The following MGAM variants were observed in gnomAD, a reference collection of about 807,000 sequenced individuals.
MGAM encodes the protein maltase-glucoamylase, also known as alpha-1,4-glucosidase.
In MGAM, 253 loss-of-function variants were observed where a neutral mutation model predicts 358.8. The observed-to-expected ratio is 0.71, with a 90% CI of 0.64 to 0.78. The LOEUF (loss-of-function observed/expected upper bound fraction) is 0.78, where lower values mean the gene tolerates loss of function less well. Among genes scored for constraint, MGAM ranks in the 30% least tolerant of loss-of-function variants. The pLI, the probability that MGAM is intolerant of heterozygous loss-of-function variation, is 0.00. For missense variants in MGAM, 3,080 were observed against 3,432.6 expected (o/e 0.90, Z 2.57); for synonymous variants, 1,105 against 1,227.1 (o/e 0.90, Z 2.08).
rs1268445591 is a variant in MGAM, at chr7:142,019,154, G to A, written c.328-45G>A. 8 of 1,596,988 alleles carry A rather than the reference G, an allele frequency of 5.0e-6. No individual in the cohort carries two copies. The East Asian group carries it at 1.3e-4, about 27-fold the overall frequency. On this transcript the variant is annotated intron_variant, in intron 3 of 70. Coordinates refer to ENST00000475668, the MANE Select transcript of MGAM (RefSeq NM_001365693.1). ...TGTTTCGTGCTTTATAAATGATCAT[G>A]TTCTACAACTAAATGGAGCTTCTTT...
intron 2 of MGAM, among the ~76,000 whole-genome samples, chr7:142,006,299 C>G (rs782107905): frequency 2.0e-5 from 3 of 152,046 alleles, no homozygotes; most frequent in Non-Finnish European, 2.9e-5. Context: ...CATCAAAACT[C>G]TTGCAAAATT....
At position 142,052,976 on chromosome 7, in the gene MGAM, C is replaced by A. The variant is rs1811160088; in HGVS notation, c.3151C>A (p.Gln1051Lys). 1 of 1,613,628 alleles carries A rather than the reference C, an allele frequency of 6.2e-7. No individual in the cohort carries two copies. Residue 1051 changes from glutamine (Q) to lysine (K), a missense_variant, in exon 26 of 71, where the codon CAG becomes AAG. Gln to Lys is a moderately conservative substitution (Grantham distance 53). Coordinates refer to ENST00000475668, the MANE Select transcript of MGAM (RefSeq NM_001365693.1). ...DVTYHKNEMLQFKIYDPNKNR... is the reference protein window; with the variant it reads ...DVTYHKNEMLKFKIYDPNKNR... The stretch of plus-strand genomic sequence containing the variant: ...CACTTACCATAAGAATGAAATGCTG[C>A]AGTTCAAGGTAAACACAGTACATGT...
In MGAM at chr7:142,092,098, T is replaced by A. The variant is rs530786208; in HGVS notation, c.6945+51T>A. The A allele has an allele frequency of 1.3e-5, 20 of 1,533,974 alleles. No individual in the cohort carries two copies. In the African/African-American group the frequency reaches 2.7e-4, roughly 21 times the overall value. ...CCAGTGACACTTGTCTATCTTTGTG[T>A]GCCTACGTGTATGTACCACTGACCT... On this transcript the variant is annotated intron_variant, in intron 58 of 70. Coordinates refer to ENST00000475668, the MANE Select transcript of MGAM (RefSeq NM_001365693.1).
At chr7:142,055,474 G>A in intron 27 of MGAM, 84 bp from the exon 28 acceptor site, 3 of 1,526,242 alleles carry the variant, frequency 2.0e-6, no homozygotes, top group Non-Finnish European at 2.7e-6. Flanking sequence ...GGAATCAAGT[G>A]TTCTGTTGTC....
At chr7:142,066,336 A>C (rs1319061251) in intron 40 of MGAM, among the ~76,000 whole-genome samples, 1 of 145,890 alleles carries the variant, frequency 6.9e-6, no homozygotes, top group Non-Finnish European at 1.6e-5. Context: ...CCTGTATTTC[A>C]GGCAGAATTT....
intron 18 of MGAM, among the ~76,000 whole-genome samples, 152 bp from the exon 19 acceptor site, chr7:142,038,379 C>T (rs1389150287): frequency 6.6e-6 from 1 of 152,102 alleles, no homozygotes; most frequent in African/African-American, 2.4e-5. Context: ...TCTAGGGGTG[C>T]AGAGGGGCTT....
rs368003640 is a variant in MGAM, at chr7:142,040,301, A to G, written c.2373+130A>G. On this transcript the variant is annotated intron_variant, in intron 20 of 70. Coordinates refer to ENST00000475668, the MANE Select transcript of MGAM (RefSeq NM_001365693.1). ...AGTTTTTAGTGTTTTCTGTAATTTC[A>G]TAGCAGAACCTGGGTAAAGTTAACC... 139 of 744,480 alleles carry G rather than the reference A, an allele frequency of 1.9e-4. No homozygotes were observed. The East Asian group carries it at 2.7e-3, about 14-fold the overall frequency. The allele number at this position is 744,480 out of a possible 1,614,324, so 46.1% of individuals were successfully genotyped here.
rs1417451026 is a variant in MGAM, at chr7:142,038,633, G to C, written c.2316+18G>C. 1.3e-6 allele frequency: 2 copies of C among 1,576,438 alleles called. No individual in the cohort carries two copies. The highest frequency in any genetic ancestry group is 1.8e-5 in the Admixed American group (1 of 56,734). ...TGGATGAAGTAAGTGTTCCCACAGA[G>C]ATACACTAGAGATCTCTGCATCTGT... On this transcript the variant is annotated intron_variant, in intron 19 of 70. Coordinates refer to ENST00000475668, the MANE Select transcript of MGAM (RefSeq NM_001365693.1).
At chr7:142,042,025 ATTATAT>A (rs1458836557) in intron 21 of MGAM, among the ~76,000 whole-genome samples, 2 of 22,482 alleles carry the variant, frequency 8.9e-5, no homozygotes, top group African/African-American at 3.3e-4. Context: ...ATATATATAT[ATTATAT>A]TATATACATA....
upstream of MGAM, among the ~76,000 whole-genome samples, chr7:141,994,347 C>G (rs1459988964): frequency 6.6e-6 from 1 of 152,150 alleles, no homozygotes; most frequent in Non-Finnish European, 1.5e-5. Context: ...AATCCCCTCT[C>G]CCTCAGGATT....
At chr7:142,078,637 T>C (rs1813954850) in intron 48 of MGAM, among the ~76,000 whole-genome samples, 167 bp downstream of exon 48, 1 of 146,488 alleles carries the variant, frequency 6.8e-6, no homozygotes, top group Non-Finnish European at 1.5e-5. Context: ...GAAAACTTTT[T>C]AAAATAAATA....
At chr7:142,076,132 A>G in intron 45 of MGAM, 71 bp from the exon 46 acceptor site, 1 of 1,167,476 alleles carries the variant, frequency 8.6e-7, no homozygotes, top group Non-Finnish European at 1.3e-6. Context: ...AACTGAAAAG[A>G]GTGGGAGTGT....
At chr7:142,090,716 A>C (rs1209410127) in intron 57 of MGAM, among the ~76,000 whole-genome samples, 4 of 145,968 alleles carry the variant, frequency 2.7e-5, no homozygotes, top group Admixed American at 6.9e-5. Flanking sequence ...TTAGCTCTTT[A>C]ACTCTTACAA....
chr7:142,102,994 C>T (rs1056830685), intron 69 of MGAM, among the ~76,000 whole-genome samples: 1 of 152,200 alleles, frequency 6.6e-6, no homozygotes, highest in Non-Finnish European at 1.5e-5. Context: ...GATTCCTCCA[C>T]CTGTAGAATA....
intron 1 of MGAM, among the ~76,000 whole-genome samples, chr7:141,999,424 G>A (rs1306564528): frequency 6.6e-6 from 1 of 152,194 alleles, no homozygotes; most frequent in African/African-American, 2.4e-5. Context: ...TAAAAGCCAT[G>A]GCTGTGGAGT....
intron 10 of MGAM, 64 bp downstream of exon 10, chr7:142,027,799 G>T: frequency 7.1e-7 from 1 of 1,412,984 alleles, no homozygotes; most frequent in South Asian, 1.6e-5. Context: ...AAGAAAAACT[G>T]TTTATATTTT....
At chr7:142,088,794 T>A (rs80276423) in intron 57 of MGAM, among the ~76,000 whole-genome samples, 4 of 120,936 alleles carry the variant, frequency 3.3e-5, no homozygotes, top group East Asian at 5.3e-4. Context: ...TCTATCTATC[T>A]ATCTATCATT....
At chr7:142,088,719 T>TTCTTTCTG (rs1222257848) in intron 57 of MGAM, among the ~76,000 whole-genome samples, 15 of 123,892 alleles carry the variant, frequency 1.2e-4, no homozygotes, top group African/African-American at 4.3e-4. Flanking sequence ...CCCTATTCAT[T>TTCTTTCTG]TATGTCTGTC....
intron 43 of MGAM, 138 bp downstream of exon 43, chr7:142,068,841 G>A (rs927436419): frequency 1.3e-6 from 1 of 740,906 alleles, no homozygotes; most frequent in Non-Finnish European, 2.2e-6. Flanking sequence ...TTTAACCCTT[G>A]TAATCTCAGT....
Sources: allele counts gnomAD v4.1 joint callset (sites outside exome capture counted in the v4.1 genomes callset), GRCh38; gene constraint gnomAD v4.1.1; transcripts MANE v1.5; gene names NCBI Gene and HGNC (gene_info 2026-07-23, HGNC 2026-07-21).